NXPH1: variants seen among roughly 807,000 people sequenced by gnomAD.
The protein encoded by NXPH1 is neurexophilin-1.
A neutral mutation model predicts 23.7 loss-of-function variants in NXPH1; 5 were observed. The observed-to-expected ratio is 0.21, with a 90% CI of 0.11 to 0.44. The LOEUF (loss-of-function observed/expected upper bound fraction) is 0.44. Among genes scored for constraint, NXPH1 ranks in the 20% least tolerant of loss-of-function variants. The pLI, the probability that NXPH1 is intolerant of heterozygous loss-of-function variation, is 0.99. For synonymous variants in NXPH1, 144 were observed against 122.2 expected (o/e 1.18, Z -1.18); for missense variants, 324 against 321.6 (o/e 1.01, Z -0.06).
intron 2 of NXPH1, among the ~76,000 whole-genome samples, chr7:8,628,556 C>T (rs985014686): frequency 6.6e-6 from 1 of 151,470 alleles, no homozygotes; most frequent in Non-Finnish European, 1.5e-5. Context: ...CTCTCATTTT[C>T]TCTAAATTAA....
intron 2 of NXPH1, among the ~76,000 whole-genome samples, chr7:8,621,257 A>G (rs1267473730): frequency 3.9e-5 from 6 of 152,186 alleles, no homozygotes; most frequent in African/African-American, 1.4e-4. Context: ...GGATTTGGGC[A>G]GGTGACCAGG....
chr7:8,572,359 A>G (rs995608250), intron 2 of NXPH1, among the ~76,000 whole-genome samples: 6 of 151,990 alleles, frequency 3.9e-5, no homozygotes, highest in Non-Finnish European at 5.9e-5. Context: ...AAACATGTAT[A>G]TATTCAATTT....
chr7:8,539,255 A>T (rs545849333), intron 2 of NXPH1, among the ~76,000 whole-genome samples: 1 of 151,812 alleles, frequency 6.6e-6, no homozygotes, highest in Non-Finnish European at 1.5e-5. Flanking sequence ...TCTAAGCTTG[A>T]TAAATAAAAA....
At chr7:8,447,357 A>T (rs1816423173) in intron 2 of NXPH1, among the ~76,000 whole-genome samples, 1 of 152,236 alleles carries the variant, frequency 6.6e-6, no homozygotes, top group South Asian at 2.1e-4. Context: ...ATGTGAAAGG[A>T]AGTTATTCAT....
chr7:8,666,851 T>A (rs971928434), intron 2 of NXPH1, among the ~76,000 whole-genome samples: 6 of 152,064 alleles, frequency 3.9e-5, no homozygotes, highest in Non-Finnish European at 7.4e-5. Flanking sequence ...ATCTTTTGTA[T>A]TTCTGTGGTA....
chr7:8,661,331 G>A (rs1820666219), intron 2 of NXPH1, among the ~76,000 whole-genome samples: 1 of 152,100 alleles, frequency 6.6e-6, no homozygotes, highest in Non-Finnish European at 1.5e-5. Flanking sequence ...ACTATTTCCT[G>A]TGCCTACTGA....
intron 2 of NXPH1, among the ~76,000 whole-genome samples, chr7:8,613,096 A>G (rs897701197): frequency 1.1e-4 from 16 of 151,782 alleles, no homozygotes; most frequent in African/African-American, 2.2e-4. Flanking sequence ...TTACATAACC[A>G]TGTTTGAGTT....
At chr7:8,542,540 T>C (rs1000919963) in intron 2 of NXPH1, among the ~76,000 whole-genome samples, 5 of 151,658 alleles carry the variant, frequency 3.3e-5, no homozygotes, top group Admixed American at 6.6e-5. Flanking sequence ...CAAATCTACA[T>C]AGTGTGTTAT....
chr7:8,534,893 T>C (rs907041405), intron 2 of NXPH1, among the ~76,000 whole-genome samples: 7 of 152,134 alleles, frequency 4.6e-5, no homozygotes, highest in African/African-American at 1.7e-4. Context: ...CACTGCATTT[T>C]TTTGTCTGTC....
intron 2 of NXPH1, among the ~76,000 whole-genome samples, chr7:8,544,865 T>C (rs1221901136): frequency 1.3e-5 from 2 of 151,644 alleles, no homozygotes; most frequent in Admixed American, 6.6e-5. Context: ...TAAATACATA[T>C]AGTGCTTTGT....
intron 2 of NXPH1, among the ~76,000 whole-genome samples, chr7:8,627,272 C>T (rs537194881): frequency 8.1e-4 from 123 of 152,010 alleles, no homozygotes; most frequent in African/African-American, 2.2e-3. Context: ...AATGCTCATT[C>T]GGTAAATGAG....
chr7:8,595,797 G>C (rs10226358), intron 2 of NXPH1, among the ~76,000 whole-genome samples: 15,166 of 151,818 alleles, frequency 0.1, 1,656 homozygotes, highest in African/African-American at 0.25. Context: ...GTTTCTTTCC[G>C]TAATGAAAGG....
chr7:8,474,806 C>T (rs116396139), intron 2 of NXPH1, among the ~76,000 whole-genome samples: 2,747 of 152,210 alleles, frequency 0.018, 89 homozygotes, highest in African/African-American at 0.063. Flanking sequence ...CTCTCTCCAT[C>T]TCTAGTACAT....
chr7:8,459,011 T>A (rs1307296557), intron 2 of NXPH1, among the ~76,000 whole-genome samples: 1 of 152,130 alleles, frequency 6.6e-6, no homozygotes, highest in African/African-American at 2.4e-5. Context: ...TTCTTACTCA[T>A]AAAACTGTAA....
At chr7:8,695,943 T>C (rs866053348) in intron 2 of NXPH1, among the ~76,000 whole-genome samples, 8 of 152,304 alleles carry the variant, frequency 5.3e-5, no homozygotes, top group Middle Eastern at 6.8e-3. Context: ...ATGTACTCCT[T>C]AAAACTGAAA....
At chr7:8,654,099 C>T (rs1211980017) in intron 2 of NXPH1, among the ~76,000 whole-genome samples, 5 of 152,158 alleles carry the variant, frequency 3.3e-5, no homozygotes, top group Non-Finnish European at 4.4e-5. Context: ...CTAAGACTTC[C>T]ATAACCTTCA....
At chr7:8,563,759 C>T (rs1336215973) in intron 2 of NXPH1, among the ~76,000 whole-genome samples, 1 of 151,656 alleles carries the variant, frequency 6.6e-6, no homozygotes. Flanking sequence ...ACCTGGAGTC[C>T]AAGGCAGCCA....
intron 2 of NXPH1, among the ~76,000 whole-genome samples, chr7:8,439,818 T>G (rs1313723793): frequency 6.6e-6 from 1 of 152,094 alleles, no homozygotes; most frequent in Non-Finnish European, 1.5e-5. Flanking sequence ...GCTGTTAAGG[T>G]ATATTGGAGC....
intron 2 of NXPH1, among the ~76,000 whole-genome samples, chr7:8,735,745 T>A (rs961276632): frequency 1.3e-5 from 2 of 152,260 alleles, no homozygotes; most frequent in South Asian, 2.1e-4. Context: ...GGTAGAATGC[T>A]ACTGTGAATT....
Sources: gnomAD v4.1 joint callset for allele counts (sites outside exome capture counted in the v4.1 genomes callset) on GRCh38, gnomAD v4.1.1 for gene constraint, MANE v1.5 for transcripts, NCBI Gene and HGNC (gene_info 2026-07-23, HGNC 2026-07-21) for gene names.